The following RFX4 variants were observed in gnomAD, a reference collection of about 807,000 sequenced individuals.
RFX4 encodes the protein transcription factor RFX4.
Under a neutral mutation model 95.0 loss-of-function variants are expected in RFX4, and 10 were observed. That is an observed-to-expected ratio of 0.11 (90% CI 0.06 to 0.18). The LOEUF (loss-of-function observed/expected upper bound fraction) is 0.18, where lower values mean the gene tolerates loss of function less well. RFX4 is among the 10% of genes least tolerant of loss of function. The pLI is 1.00. For synonymous variants in RFX4, 321 were observed against 340.7 expected (o/e 0.94, Z 0.64); for missense variants, 640 against 922.0 (o/e 0.69, Z 3.96).
intron 15 of RFX4, among the ~76,000 whole-genome samples, chr12:106,743,746 C>G (rs888725644): frequency 6.6e-5 from 10 of 152,196 alleles, no homozygotes; most frequent in African/African-American, 2.4e-4. Context: ...TGGCTATTAT[C>G]ATGACTTCTT....
At position 106,709,799 on chromosome 12, in the gene RFX4, G is replaced by A. The variant is rs560900093; in HGVS notation, c.934+369G>A. On this transcript the variant is annotated intron_variant, in intron 9 of 17. Coordinates refer to ENST00000392842, the MANE Select transcript of RFX4 (RefSeq NM_213594.3). ...AGTAGTATCCCTGTTCTACAGATGAGGCTCTAAGAGGCAAAGAGAGTTCCC... is the reference window on the plus strand; with the variant it reads ...AGTAGTATCCCTGTTCTACAGATGAAGCTCTAAGAGGCAAAGAGAGTTCCC... Among the ~76,000 whole-genome samples, 26 of 152,216 alleles carry A rather than the reference G, an allele frequency of 1.7e-4. 1 individual carries two copies. Among genetic ancestry groups the A allele is most frequent in the African/African-American group, 5.8e-4 (24 of 41,514 alleles).
intron 13 of RFX4, among the ~76,000 whole-genome samples, chr12:106,728,483 T>G (rs1448775369): frequency 1.3e-5 from 2 of 152,036 alleles, no homozygotes; most frequent in Non-Finnish European, 2.9e-5. Flanking sequence ...AAAGCACTGG[T>G]CAAGACAGAA....
intron 4 of RFX4, among the ~76,000 whole-genome samples, chr12:106,659,687 T>A (rs1289883595): frequency 1.3e-5 from 2 of 152,232 alleles, no homozygotes; most frequent in Non-Finnish European, 2.9e-5. Flanking sequence ...CTGTTATTGT[T>A]CCCATTCCAT....
intron 1 of RFX4, among the ~76,000 whole-genome samples, chr12:106,595,293 G>C (rs2039603106): frequency 6.6e-6 from 1 of 152,200 alleles, no homozygotes; most frequent in Non-Finnish European, 1.5e-5. Flanking sequence ...TCCAGAGCTA[G>C]AAGGAAGACC....
intron 3 of RFX4, among the ~76,000 whole-genome samples, chr12:106,647,779 A>T (rs1466418543): frequency 6.6e-6 from 1 of 152,228 alleles, no homozygotes; most frequent in Non-Finnish European, 1.5e-5. Context: ...CCCCCACAAT[A>T]AAGGGCCTCA....
intron 1 of RFX4, among the ~76,000 whole-genome samples, chr12:106,591,000 A>C (rs1227674624): frequency 6.6e-6 from 1 of 152,112 alleles, no homozygotes; most frequent in Non-Finnish European, 1.5e-5. Flanking sequence ...AAAAAGAAAA[A>C]TTAAAAAAAG....
chr12:106,667,544 A>AT (rs1465372441), intron 4 of RFX4, among the ~76,000 whole-genome samples: 3 of 152,082 alleles, frequency 2.0e-5, no homozygotes, highest in Admixed American at 1.3e-4. Context: ...CCCTAGAGTT[A>AT]TTTTTTAACT....
chr12:106,667,620 ACTGGGTC>A (rs1312682602), intron 4 of RFX4, among the ~76,000 whole-genome samples: 1 of 152,178 alleles, frequency 6.6e-6, no homozygotes, highest in East Asian at 1.9e-4. Context: ...CTACCACAGT[ACTGGGTC>A]CTGAGGCAGT....
chr12:106,650,728 A>G (rs751413380), intron 3 of RFX4, among the ~76,000 whole-genome samples: 44 of 152,216 alleles, frequency 2.9e-4, no homozygotes, highest in Non-Finnish European at 4.9e-4. Context: ...ACTCTGTCTC[A>G]AAAGAAAAAA....
intron 1 of RFX4, among the ~76,000 whole-genome samples, chr12:106,584,716 C>T (rs2039428341): frequency 6.6e-6 from 1 of 152,228 alleles, no homozygotes; most frequent in Non-Finnish European, 1.5e-5. Flanking sequence ...TCCGCTGCAG[C>T]CCTGGTGGCC....
At chr12:106,636,154 C>T (rs1376853851) in intron 2 of RFX4, among the ~76,000 whole-genome samples, 2 of 151,942 alleles carry the variant, frequency 1.3e-5, no homozygotes, top group Non-Finnish European at 2.9e-5. Context: ...AATAATGCTC[C>T]AGTCACCTGA....
intron 6 of RFX4, among the ~76,000 whole-genome samples, chr12:106,688,148 C>T (rs964435796): frequency 6.7e-6 from 1 of 148,702 alleles, no homozygotes; most frequent in Non-Finnish European, 1.5e-5. Context: ...CAGCTCACTG[C>T]AACCTCCGCC....
At chr12:106,712,584 A>G (rs749246369) in intron 10 of RFX4, among the ~76,000 whole-genome samples, 15 of 152,130 alleles carry the variant, frequency 9.9e-5, no homozygotes, top group Non-Finnish European at 2.1e-4. Flanking sequence ...ACCAGAAAGT[A>G]TAACACAACA....
chr12:106,737,986 C>T (rs776892670), intron 15 of RFX4, among the ~76,000 whole-genome samples: 6 of 152,126 alleles, frequency 3.9e-5, no homozygotes, highest in Admixed American at 1.3e-4. Flanking sequence ...AGAAAAAGTA[C>T]GTGTAGTGAA....
intron 4 of RFX4, among the ~76,000 whole-genome samples, chr12:106,664,761 A>G (rs1223287771): frequency 1.3e-5 from 2 of 151,782 alleles, no homozygotes; most frequent in Non-Finnish European, 3.0e-5. Flanking sequence ...TTTGGTTCAA[A>G]TATTTTTATT....
chr12:106,739,384 A>G (rs985111333), intron 15 of RFX4, among the ~76,000 whole-genome samples: 17 of 152,172 alleles, frequency 1.1e-4, no homozygotes, highest in Admixed American at 9.2e-4. Flanking sequence ...TCCATTTTTC[A>G]GCTGTGAAAA....
chr12:106,737,182 T>G (rs1350668240), intron 15 of RFX4, among the ~76,000 whole-genome samples: 93 of 123,432 alleles, frequency 7.5e-4, no homozygotes, highest in Non-Finnish European at 1.4e-3. Context: ...TTTTTTTTTT[T>G]TTTTTTTTTT....
intron 7 of RFX4, among the ~76,000 whole-genome samples, chr12:106,690,362 CT>C (rs1480795196): frequency 3.9e-5 from 6 of 152,050 alleles, no homozygotes; most frequent in Non-Finnish European, 8.8e-5. Context: ...TGATTTTTTT[CT>C]TTTAAGAAAG....
At chr12:106,660,411 G>C in intron 4 of RFX4, among the ~76,000 whole-genome samples, 1 of 151,804 alleles carries the variant, frequency 6.6e-6, no homozygotes, top group Middle Eastern at 3.2e-3. Context: ...AAGGTCCATG[G>C]AAGCTAAAGT....
Sources: allele counts gnomAD v4.1 joint callset (sites outside exome capture counted in the v4.1 genomes callset), GRCh38; gene constraint gnomAD v4.1.1; transcripts MANE v1.5; gene names NCBI Gene and HGNC (gene_info 2026-07-23, HGNC 2026-07-21).